Variants in SOX6 observed in about 807,000 individuals in gnomAD.
The protein encoded by SOX6 is transcription factor SOX-6.
In SOX6, 11 loss-of-function variants were observed where a neutral mutation model predicts 97.8. The ratio of observed to expected loss-of-function variants is 0.11; its 90% CI spans 0.07 to 0.19. SOX6 has a LOEUF of 0.19. SOX6 is among the 10% of genes least tolerant of loss of function. The pLI, the probability that SOX6 is intolerant of heterozygous loss-of-function variation, is 1.00. For missense variants in SOX6, 810 were observed against 1,039.5 expected, an observed-to-expected ratio of 0.78 and a Z score of 3.04; for synonymous variants, 360 against 371.4, an observed-to-expected ratio of 0.97 and a Z score of 0.35.
At chr11:16,736,111 T>C (rs770442908) in intron 2 of SOX6, among the ~76,000 whole-genome samples, 6 of 152,250 alleles carry the variant, frequency 3.9e-5, no homozygotes, top group Non-Finnish European at 5.9e-5. Context: ...TCTGGTACTA[T>C]ATAATTTCAT....
intron 4 of SOX6, among the ~76,000 whole-genome samples, chr11:16,213,615 T>A (rs1284165068): frequency 6.6e-6 from 1 of 152,206 alleles, no homozygotes; most frequent in East Asian, 1.9e-4. Flanking sequence ...CAAAAGCTGA[T>A]ATGCTCCACC....
intron 15 of SOX6, among the ~76,000 whole-genome samples, chr11:15,976,484 G>T (rs1270089299): frequency 6.6e-6 from 1 of 152,106 alleles, no homozygotes; most frequent in Non-Finnish European, 1.5e-5. Context: ...TTCCTCCTTT[G>T]GGAAGCTGGT....
intron 2 of SOX6, among the ~76,000 whole-genome samples, chr11:16,718,021 T>C (rs2134051741): frequency 6.6e-6 from 1 of 152,000 alleles, no homozygotes; most frequent in Non-Finnish European, 1.5e-5. Context: ...AAGAAAAGCT[T>C]TTTGTAACAG....
intron 6 of SOX6, among the ~76,000 whole-genome samples, chr11:16,169,231 C>T (rs905702646): frequency 2.0e-5 from 3 of 152,064 alleles, no homozygotes; most frequent in African/African-American, 7.2e-5. Context: ...ATTCAAATAA[C>T]TGGTACATCC....
At chr11:16,191,180 C>A (rs1413492474) in intron 4 of SOX6, among the ~76,000 whole-genome samples, 1 of 152,138 alleles carries the variant, frequency 6.6e-6, no homozygotes, top group Non-Finnish European at 1.5e-5. Context: ...ATTGGCCAGG[C>A]ACAGAGGCTC....
chr11:16,200,310 T>C (rs1277903736), intron 4 of SOX6, among the ~76,000 whole-genome samples: 2 of 152,210 alleles, frequency 1.3e-5, no homozygotes, highest in Non-Finnish European at 2.9e-5. Flanking sequence ...AGATTTTGGC[T>C]AGCTGACTCA....
intron 6 of SOX6, among the ~76,000 whole-genome samples, chr11:16,155,411 G>T (rs1221096802): frequency 6.6e-6 from 1 of 152,152 alleles, no homozygotes; most frequent in African/African-American, 2.4e-5. Flanking sequence ...GAATTCAATG[G>T]ATTGAGGTAT....
chr11:16,267,833 G>A (rs568942183), intron 3 of SOX6, among the ~76,000 whole-genome samples: 11 of 151,474 alleles, frequency 7.3e-5, no homozygotes, highest in Non-Finnish European at 1.0e-4. Flanking sequence ...AAGAAAATGT[G>A]GCATATGTAC....
rs1192849999 is a variant in SOX6 at position 16,132,382 on chromosome 11, GAA to G, written c.778-20461_778-20460del. ...AGAAAGAAAGAAAGAAAGAAAGAAA[GAA>G]AGAAAGAAAGAAAGAAAAAAGAAAG... On this transcript the variant is annotated intron_variant, in intron 6 of 15. Coordinates refer to ENST00000683767, the MANE Select transcript of SOX6 (RefSeq NM_001367873.1). 2.1e-3 allele frequency among the ~76,000 whole-genome samples: 179 copies of G among 84,454 alleles called. 8 individuals carry two copies. The highest frequency in any genetic ancestry group is 2.5e-3 in the East Asian group (5 of 2,026). The allele number at this position is 84,454 out of a possible 152,430, so 55.4% of individuals were successfully genotyped here. A position where few individuals can be genotyped will look rare whatever the true frequency, so the allele number is the denominator to read the frequency against.
At chr11:16,164,110 A>G (rs1850824824) in intron 6 of SOX6, among the ~76,000 whole-genome samples, 4 of 152,080 alleles carry the variant, frequency 2.6e-5, no homozygotes, top group Admixed American at 2.6e-4. Context: ...CAGCCTACCC[A>G]GTAGCACCAC....
At chr11:16,012,887 A>T (rs1854775249) in intron 13 of SOX6, among the ~76,000 whole-genome samples, 1 of 152,022 alleles carries the variant, frequency 6.6e-6, no homozygotes, top group Non-Finnish European at 1.5e-5. Context: ...AACACTTGAT[A>T]AAAAAAGTTT....
At chr11:16,735,322 T>C (rs541585647) in intron 2 of SOX6, among the ~76,000 whole-genome samples, 2 of 152,304 alleles carry the variant, frequency 1.3e-5, no homozygotes, top group South Asian at 4.1e-4. Flanking sequence ...TCACTGAATA[T>C]ATGCCCCATC....
At chr11:16,350,565 G>A (rs1448091321) in intron 1 of SOX6, among the ~76,000 whole-genome samples, 4 of 152,198 alleles carry the variant, frequency 2.6e-5, no homozygotes, top group African/African-American at 4.8e-5. Context: ...CTTCGATGAT[G>A]AGTAATTTAA....
chr11:16,128,400 T>C (rs1488897322), intron 6 of SOX6, among the ~76,000 whole-genome samples: 1 of 152,130 alleles, frequency 6.6e-6, no homozygotes, highest in East Asian at 1.9e-4. Context: ...ATCACAGACT[T>C]TTAGAACTGC....
intron 1 of SOX6, among the ~76,000 whole-genome samples, chr11:16,474,456 T>C (rs1395413166): frequency 6.6e-6 from 1 of 152,192 alleles, no homozygotes; most frequent in African/African-American, 2.4e-5. Context: ...TACTCCTTGA[T>C]CCATGGCCTA....
At chr11:16,589,499 A>T (rs1336859617) in intron 4 of SOX6, among the ~76,000 whole-genome samples, 1 of 152,174 alleles carries the variant, frequency 6.6e-6, no homozygotes, top group Non-Finnish European at 1.5e-5. Context: ...GATTCTTCCA[A>T]AAAAACTATA....
chr11:16,429,089 G>C (rs187394324), intron 1 of SOX6, among the ~76,000 whole-genome samples: 2 of 152,302 alleles, frequency 1.3e-5, no homozygotes, highest in Admixed American at 1.3e-4. Flanking sequence ...CAACGTCACT[G>C]ATCTTTAGAG....
At chr11:16,258,402 T>A (rs924894620) in intron 3 of SOX6, among the ~76,000 whole-genome samples, 3 of 151,996 alleles carry the variant, frequency 2.0e-5, no homozygotes, top group Middle Eastern at 3.4e-3. Context: ...TACCAAGCTA[T>A]GAAAAGACGC....
At chr11:16,079,208 C>T (rs1051539960) in intron 9 of SOX6, among the ~76,000 whole-genome samples, 2 of 152,062 alleles carry the variant, frequency 1.3e-5, no homozygotes, top group African/African-American at 4.8e-5. Context: ...CTATGCCCTT[C>T]GATTTCCATC....
Sources: allele counts gnomAD v4.1 joint callset (sites outside exome capture counted in the v4.1 genomes callset), GRCh38; gene constraint gnomAD v4.1.1; transcripts MANE v1.5; gene names NCBI Gene and HGNC (gene_info 2026-07-23, HGNC 2026-07-21).